NUP205: variants seen among roughly 807,000 people sequenced by gnomAD.
NUP205 encodes the protein nucleoporin 205, also known as nuclear pore complex protein Nup205.
A neutral mutation model predicts 253.8 loss-of-function variants in NUP205; 76 were observed. The observed-to-expected ratio is 0.30, with a 90% CI of 0.25 to 0.36. The LOEUF (loss-of-function observed/expected upper bound fraction) is 0.36. Among genes scored for constraint, NUP205 ranks in the 10% least tolerant of loss-of-function variants. The pLI, the probability that NUP205 is intolerant of heterozygous loss-of-function variation, is 1.00. For synonymous variants in NUP205, 832 were observed against 850.1 expected, an observed-to-expected ratio of 0.98 and a Z score of 0.37; for missense variants, 2,162 against 2,425.5, an observed-to-expected ratio of 0.89 and a Z score of 2.28.
At position 135,598,134 on chromosome 7, in the gene NUP205, C is replaced by G. The variant is rs1257811759; in HGVS notation, c.2201C>G (p.Pro734Arg). The G allele has an allele frequency of 1.2e-6, 2 of 1,614,040 alleles. No homozygotes were observed. Among genetic ancestry groups the G allele is most frequent in the Non-Finnish European group, 8.5e-7 (1 of 1,180,030 alleles). Residue 734 changes from proline to arginine, a missense_variant, in exon 15 of 43, where the codon CCT becomes CGT. Physicochemically the swap from Pro to Arg is moderately radical, Grantham distance 103. Around this residue, in one of 5 missense-constraint regions of NUP205, gnomAD observed 892 missense variants for 957.1 expected, o/e 0.93. Transcript: ENST00000285968. ...GAGLRPPGFDPYLQFLRDSVF... is the reference protein window; with the variant it reads ...GAGLRPPGFDRYLQFLRDSVF... The stretch of plus-strand genomic sequence containing the variant: ...GGACTGCGGCCCCCTGGCTTTGACC[C>G]TTATTTGCAGTTCCTTAGAGACTCT...
intron 38 of NUP205, among the ~76,000 whole-genome samples, chr7:135,642,420 C>T (rs1794930838): frequency 5.9e-5 from 9 of 152,028 alleles, no homozygotes; most frequent in Admixed American, 5.9e-4. Flanking sequence ...CTCCTGGCCT[C>T]AAGCCATTCT....
In NUP205 at chr7:135,628,067, A is replaced by G. The variant is rs759546768; in HGVS notation, c.4888A>G (p.Ile1630Val). ...CCCAGCTCTCCAGCTGTGCCAGGTC[A>G]TCCTCACATCTAGTATGGCCCAGCA... The part of the protein sequence containing the change: ...LLPALQLCQV[I>V]LTSSMAQHLQ... The change falls in exon 34 of 43, where the codon ATC becomes GTC. Residue 1630 changes from isoleucine (I) to valine (V), a missense_variant. Physicochemically the swap from Ile to Val is conservative, Grantham distance 29. This residue lies in a region of NUP205 where 1,144 missense variants were observed against 1,280.9 expected (regional missense o/e 0.89). Coordinates refer to ENST00000285968, the MANE Select transcript of NUP205 (RefSeq NM_015135.3). 3 of 1,609,710 alleles carry G rather than the reference A, an allele frequency of 1.9e-6. No homozygotes were observed. The highest frequency in any genetic ancestry group is 1.7e-5 in the Admixed American group (1 of 59,244).
At chr7:135,636,124 TCTC>T (rs1176522517) in intron 36 of NUP205, among the ~76,000 whole-genome samples, 2 of 152,222 alleles carry the variant, frequency 1.3e-5, no homozygotes, top group Non-Finnish European at 2.9e-5. Context: ...AGCTCTGTAA[TCTC>T]CTCTCAATAT....
intron 1 of NUP205, among the ~76,000 whole-genome samples, chr7:135,570,523 G>T (rs1805928448): frequency 6.6e-6 from 1 of 150,860 alleles, no homozygotes; most frequent in African/African-American, 2.4e-5. Flanking sequence ...CTAAAGTCAG[G>T]ATTTATTTTA....
chr7:135,589,277 A>G (rs1231613159), intron 10 of NUP205, among the ~76,000 whole-genome samples: 1 of 143,438 alleles, frequency 7.0e-6, no homozygotes, highest in East Asian at 2.0e-4. Context: ...TTTTTTCTGG[A>G]CTCCAGATCA....
At chr7:135,583,382 A>G (rs143434253) in intron 7 of NUP205, among the ~76,000 whole-genome samples, 38 of 152,274 alleles carry the variant, frequency 2.5e-4, no homozygotes, top group African/African-American at 8.7e-4. Context: ...AACCTATGAC[A>G]TACTCTTAAT....
intron 35 of NUP205, among the ~76,000 whole-genome samples, chr7:135,632,599 A>G (rs1339605185): frequency 2.0e-5 from 3 of 151,874 alleles, no homozygotes; most frequent in Non-Finnish European, 4.4e-5. Context: ...GGCTGAGTAC[A>G]GTGCCAGCTG....
chr7:135,635,712 C>T (rs1357503172), intron 36 of NUP205, 55 bp downstream of exon 36: 3 of 1,019,050 alleles, frequency 2.9e-6, no homozygotes, highest in Non-Finnish European at 4.5e-6. Context: ...ACAAAATATA[C>T]CATCCTCCCC....
rs1370447581 is a variant in NUP205, at chr7:135,619,536, C to A, written c.4077C>A (p.Val1359=). 6.2e-7 allele frequency: 1 copy of A among 1,614,136 alleles called. No individual in the cohort carries two copies. Among genetic ancestry groups the A allele is most frequent in the Non-Finnish European group, 8.5e-7 (1 of 1,180,018 alleles). ...AVLTEQKETS[V]LGPAEAHYAF... The stretch of plus-strand genomic sequence containing the variant: ...TCACTGAACAGAAGGAAACATCAGT[C>A]TTGGGACCAGCAGAGGCCCATTACG... Residue 1359 remains valine (V), a synonymous_variant, in exon 29 of 43, where the codon GTC becomes GTA. Transcript: ENST00000285968.
intron 34 of NUP205, among the ~76,000 whole-genome samples, chr7:135,630,143 A>G (rs889399740): frequency 6.6e-6 from 1 of 152,172 alleles, no homozygotes; most frequent in African/African-American, 2.4e-5. Flanking sequence ...TCCTGAAGAG[A>G]TAAATATGTG....
intron 1 of NUP205, among the ~76,000 whole-genome samples, chr7:135,562,085 C>T (rs2129489434): frequency 6.6e-6 from 1 of 152,188 alleles, no homozygotes; most frequent in African/African-American, 2.4e-5. Context: ...AGCCTACTGA[C>T]TCCCTTTTCA....
At chr7:135,613,368 A>T (rs1407540473) in intron 22 of NUP205, among the ~76,000 whole-genome samples, 1 of 150,416 alleles carries the variant, frequency 6.6e-6, no homozygotes, top group Non-Finnish European at 1.5e-5. Context: ...TTTTTTGTTA[A>T]ATTTTTATTC....
In NUP205 at chr7:135,619,916, T is replaced by C. The variant is rs187333395; in HGVS notation, c.4330+28T>C. 22 of 1,402,864 alleles carry C rather than the reference T, an allele frequency of 1.6e-5. No individual in the cohort carries two copies. The East Asian group carries it at 5.0e-4, about 32-fold the overall frequency. The allele number at this position is 1,402,864 out of a possible 1,614,324, so 86.9% of individuals were successfully genotyped here. A position where few individuals can be genotyped will look rare whatever the true frequency, so the allele number is the denominator to read the frequency against. On this transcript the variant is annotated intron_variant, in intron 30 of 42. Coordinates refer to ENST00000285968, the MANE Select transcript of NUP205 (RefSeq NM_015135.3). ...AGAATGAGATCAATTCCTAATCTTT[T>C]CTGGATTGGGAGATGGTTACTTTAA... is the stretch of plus-strand genomic sequence containing the variant.
Position 135,576,732 on chromosome 7 carries a change from A to G in NUP205, c.489-237A>G, listed in dbSNP as rs183472899. Among the ~76,000 whole-genome samples the G allele has an allele frequency of 4.6e-5, 7 of 152,172 alleles. No individual in the cohort carries two copies. In the East Asian group the frequency reaches 1.4e-3, roughly 29 times the overall value. On this transcript the variant is annotated intron_variant, in intron 4 of 42. Transcript: ENST00000285968. ...TCCCATCTCTACAAAAAATAGAATAATTAACTGGGCATGATGGCATGCACC... is the reference window on the plus strand; with the variant it reads ...TCCCATCTCTACAAAAAATAGAATAGTTAACTGGGCATGATGGCATGCACC...
In NUP205 at chr7:135,571,341, AT is replaced by A. The variant is rs891465223; in HGVS notation, c.171+101del. On this transcript the variant is annotated intron_variant, in intron 2 of 42. Transcript: ENST00000285968. Reference sequence around the variant, plus strand: ...CTTTTCTTTTTTTTTTAATTTTCAAATTTTTTTCAGAAATTTATTTACTGTG... The same window carrying A: ...CTTTTCTTTTTTTTTTAATTTTCAAATTTTTTCAGAAATTTATTTACTGTG... 3.4e-6 allele frequency: 3 copies of A among 876,834 alleles called. No individual in the cohort carries two copies. The African/African-American group carries it at 5.6e-5, about 16-fold the overall frequency. 54.3% of individuals were successfully genotyped at this position (876,834 alleles called of 1,614,324 possible). A position where few individuals can be genotyped will look rare whatever the true frequency, so the allele number is the denominator to read the frequency against.
rs184954991 is a variant in NUP205 at position 135,558,025 on chromosome 7, A to C, written c.28+53A>C. The C allele has an allele frequency of 4.9e-5, 72 of 1,475,904 alleles. No individual in the cohort carries two copies. In the African/African-American group the frequency reaches 5.9e-4, roughly 12 times the overall value. 91.4% of individuals were successfully genotyped at this position (1,475,904 alleles called of 1,614,324 possible). A position where few individuals can be genotyped will look rare whatever the true frequency, so the allele number is the denominator to read the frequency against. On this transcript the variant is annotated intron_variant, in intron 1 of 42. Coordinates refer to ENST00000285968, the MANE Select transcript of NUP205 (RefSeq NM_015135.3). ...TGAGCTGAGCGATAACCAGGTCTTCATGGAGAGACGAGACCGTGAGGTTTC... is the reference window on the plus strand; with the variant it reads ...TGAGCTGAGCGATAACCAGGTCTTCCTGGAGAGACGAGACCGTGAGGTTTC...
intron 7 of NUP205, among the ~76,000 whole-genome samples, chr7:135,582,854 G>T (rs898407608): frequency 7.3e-6 from 1 of 136,698 alleles, no homozygotes; most frequent in African/African-American, 2.6e-5. Flanking sequence ...ACTTGGGGAG[G>T]CCGAGGCGGG....
At chr7:135,629,345 A>C (rs895442507) in intron 34 of NUP205, among the ~76,000 whole-genome samples, 1 of 152,176 alleles carries the variant, frequency 6.6e-6, no homozygotes, top group African/African-American at 2.4e-5. Flanking sequence ...TAACCGCATC[A>C]AAAGGAGAGT....
rs201185647 is a variant in NUP205 at position 135,625,302 on chromosome 7, C to T, written c.4618C>T (p.Leu1540Phe). 2.5e-6 allele frequency: 4 copies of T among 1,613,924 alleles called. No individual in the cohort carries two copies. The highest frequency in any genetic ancestry group is 3.4e-6 in the Non-Finnish European group (4 of 1,179,944). ...AGATGACCGTACTTTGCAGAGCTTA[C>T]TCACCCCACAGCCTCCCCTTTTAAA... ...VEDDRTLQSL[L>F]TPQPPLLKAL... is the part of the protein sequence containing the mutation. Residue 1540 changes from leucine (L) to phenylalanine (F), a missense_variant, in exon 32 of 43, where the codon CTC becomes TTC. Physicochemically the swap from Leu to Phe is conservative, Grantham distance 22. Coordinates refer to ENST00000285968, the MANE Select transcript of NUP205 (RefSeq NM_015135.3).
Sources: gnomAD v4.1 joint callset for allele counts (sites outside exome capture counted in the v4.1 genomes callset) on GRCh38, gnomAD v4.1.1 for gene constraint, gnomAD v4.1.1 regional missense constraint, MANE v1.5 for transcripts, NCBI Gene and HGNC (gene_info 2026-07-23, HGNC 2026-07-21) for gene names.